RAD54L2: variants seen among roughly 807,000 people sequenced by gnomAD.
RAD54L2 encodes RAD54 like 2, also known as helicase ARIP4.
RAD54L2 carries 27 observed loss-of-function variants against 138.4 expected under a neutral mutation model. That is an observed-to-expected ratio of 0.20 (90% CI 0.14 to 0.27). RAD54L2 has a LOEUF of 0.27. Among genes scored for constraint, RAD54L2 ranks in the 10% least tolerant of loss-of-function variants. The pLI, the probability that RAD54L2 is intolerant of heterozygous loss-of-function variation, is 1.00. For synonymous variants in RAD54L2, 644 were observed against 723.2 expected (o/e 0.89, Z 1.76); for missense variants, 1,396 against 1,890.2 (o/e 0.74, Z 4.85).
intron 21 of RAD54L2, among the ~76,000 whole-genome samples, chr3:51,658,237 T>C (rs1701659730): frequency 1.3e-5 from 2 of 152,132 alleles, no homozygotes; most frequent in Non-Finnish European, 1.5e-5. Context: ...CGGCCCTTAC[T>C]GTCATTTTTA....
At chr3:51,590,346 A>T in intron 2 of RAD54L2, 21 bp from the exon 3 acceptor site, 2 of 1,427,120 alleles carry the variant, frequency 1.4e-6, no homozygotes, top group Non-Finnish European at 1.9e-6. Context: ...GGTGATTCTG[A>T]TGCCTTTCAT....
intron 3 of RAD54L2, among the ~76,000 whole-genome samples, chr3:51,594,066 C>CTTTT (rs904101025): frequency 3.6e-4 from 38 of 105,128 alleles, no homozygotes; most frequent in South Asian, 6.4e-4. Context: ...TTTTCTTTTT[C>CTTTT]TTTTTTTTTT....
At chr3:51,619,247 TG>T (rs1447034948) in intron 3 of RAD54L2, among the ~76,000 whole-genome samples, 1 of 151,984 alleles carries the variant, frequency 6.6e-6, no homozygotes, top group Non-Finnish European at 1.5e-5. Context: ...TTAGTAGAGG[TG>T]GGGTTTCACC....
Position 51,644,015 on chromosome 3 carries a change from A to G in RAD54L2, c.2450+41A>G, listed in dbSNP as rs199986695. On this transcript the variant is annotated intron_variant, in intron 16 of 22. Coordinates refer to ENST00000684192, the MANE Select transcript of RAD54L2 (RefSeq NM_015106.4). ...GAGGGGAGGTCAAAGGAATCTGTTC[A>G]GGCAGTTGGCCACCTGGGCTGGTAC... 4.0e-5 allele frequency: 61 copies of G among 1,507,090 alleles called. No homozygotes were observed. The East Asian group carries it at 1.4e-3, about 34-fold the overall frequency. The allele number at this position is 1,507,090 out of a possible 1,614,324, so 93.4% of individuals were successfully genotyped here. A position where few individuals can be genotyped will look rare whatever the true frequency, so the allele number is the denominator to read the frequency against.
chr3:51,605,175 C>T (rs111522259), intron 3 of RAD54L2, among the ~76,000 whole-genome samples: 7 of 151,116 alleles, frequency 4.6e-5, no homozygotes, highest in East Asian at 3.9e-4. Flanking sequence ...CTGCAGCCTC[C>T]GCCTCCTGGG....
At chr3:51,586,937 C>G (rs191128234) in intron 2 of RAD54L2, among the ~76,000 whole-genome samples, 336 of 152,174 alleles carry the variant, frequency 2.2e-3, no homozygotes, top group African/African-American at 5.9e-3. Context: ...CATTGACTTC[C>G]AAACACAGAG....
In RAD54L2 at chr3:51,633,678, G is replaced by A. The variant is rs983548037; in HGVS notation, c.927G>A (p.Leu309=). Residue 309 remains leucine (L), a synonymous_variant, in exon 8 of 23, where the codon CTG becomes CTA. Coordinates refer to ENST00000684192, the MANE Select transcript of RAD54L2 (RefSeq NM_015106.4). ...FGCILAHSMG[L]GKTLQVISFI... Reference sequence around the variant, plus strand: ...GTATTCTGGCCCACAGCATGGGTCTGGGGAAAACTTTGCAAGTGATCTCTT... The same window carrying A: ...GTATTCTGGCCCACAGCATGGGTCTAGGGAAAACTTTGCAAGTGATCTCTT... 7 of 1,613,850 alleles carry A rather than the reference G, an allele frequency of 4.3e-6. No homozygotes were observed. The African/African-American group carries it at 8.0e-5, about 18-fold the overall frequency.
chr3:51,641,285 G>A lies in RAD54L2; in HGVS notation c.2232-464G>A, dbSNP rs180902076. ...CCTCCCAAGTGCTGGGATTACAGGC[G>A]TGAGCCACTGTTCCCGACCTAGAGT... On this transcript the variant is annotated intron_variant, in intron 14 of 22. Transcript: ENST00000684192. Among the ~76,000 whole-genome samples, 22 of 139,736 alleles carry A rather than the reference G, an allele frequency of 1.6e-4. No homozygotes were observed. The East Asian group carries it at 1.8e-3, about 11-fold the overall frequency. The allele number at this position is 139,736 out of a possible 152,430, so 91.7% of individuals were successfully genotyped here.
intron 3 of RAD54L2, among the ~76,000 whole-genome samples, chr3:51,610,204 A>G (rs1002395474): frequency 1.3e-5 from 2 of 152,170 alleles, no homozygotes; most frequent in Admixed American, 1.3e-4. Context: ...GCACTATAAC[A>G]TAAGACTTTA....
chr3:51,549,068 C>T (rs1263918892), intron 2 of RAD54L2, among the ~76,000 whole-genome samples: 4 of 152,140 alleles, frequency 2.6e-5, no homozygotes, highest in Non-Finnish European at 5.9e-5. Flanking sequence ...TCTTGGCTCA[C>T]TGCAATCTCT....
chr3:51,540,800 C>A (rs1206290814), intron 1 of RAD54L2, among the ~76,000 whole-genome samples: 1 of 151,890 alleles, frequency 6.6e-6, no homozygotes, highest in Non-Finnish European at 1.5e-5. Flanking sequence ...GCCTGTAATC[C>A]CAACACTTTG....
rs749354335 is a variant in RAD54L2, at chr3:51,638,294, C to G, written c.1833C>G (p.Pro611=). 1 of 1,613,938 alleles carries G rather than the reference C, an allele frequency of 6.2e-7. No homozygotes were observed. The highest frequency in any genetic ancestry group is 1.1e-5 in the South Asian group (1 of 91,078). Residue 611 remains proline (P), a synonymous_variant, in exon 12 of 23, where the codon CCC becomes CCG. Coordinates refer to ENST00000684192, the MANE Select transcript of RAD54L2 (RefSeq NM_015106.4). The surrounding 1 kb of genome is among the most constrained non-coding windows in gnomAD (Gnocchi z 4.3). ...GCAGCGGTTGGCTGGGGCTGAACCCCCTTAAGGCATTCTGTGTGTGTTGCA... is the reference window on the plus strand; with the variant it reads ...GCAGCGGTTGGCTGGGGCTGAACCCGCTTAAGGCATTCTGTGTGTGTTGCA... The part of the protein sequence containing the change: ...CGSSGWLGLN[P]LKAFCVCCKI...
chr3:51,607,779 C>T (rs1700225835), intron 3 of RAD54L2, among the ~76,000 whole-genome samples: 1 of 150,528 alleles, frequency 6.6e-6, no homozygotes, highest in East Asian at 2.0e-4. Flanking sequence ...GGGCCCCCCA[C>T]CTCCCAGATG....
rs1406569417 is a variant in RAD54L2 at position 51,666,575 on chromosome 3, AC to A, written c.*3157del. ...CAGTACTACTTAATGATTGAGGTTT[AC>A]CATTTATAGTGATGCTTGATTTCCT... On this transcript the variant is annotated 3_prime_UTR_variant, in exon 23 of 23. Coordinates refer to ENST00000684192, the MANE Select transcript of RAD54L2 (RefSeq NM_015106.4). 2.6e-5 allele frequency: 4 copies of A among 152,210 alleles called. No homozygotes were observed. Among genetic ancestry groups the A allele is most frequent in the African/African-American group, 9.6e-5 (4 of 41,452 alleles). The allele number at this position is 152,210 out of a possible 1,614,324, so 9.4% of individuals were successfully genotyped here.
chr3:51,610,658 CAGAA>C lies in RAD54L2; in HGVS notation c.140-16890_140-16887del, dbSNP rs1248013196. Among the ~76,000 whole-genome samples the C allele has an allele frequency of 7.7e-5, 11 of 143,142 alleles. No individual in the cohort carries two copies. The South Asian group carries it at 2.1e-3, about 27-fold the overall frequency. 93.9% of individuals were successfully genotyped at this position (143,142 alleles called of 152,430 possible). On this transcript the variant is annotated intron_variant, in intron 3 of 22. Coordinates refer to ENST00000684192, the MANE Select transcript of RAD54L2 (RefSeq NM_015106.4). The stretch of plus-strand genomic sequence containing the variant: ...CCATCTCAAAAAAAAAAAAAAAAAA[CAGAA>C]AGAATGAATGAATCTTCTTTAATAA...
intron 1 of RAD54L2, among the ~76,000 whole-genome samples, chr3:51,539,987 G>A (rs1274630964): frequency 6.6e-6 from 1 of 152,140 alleles, no homozygotes; most frequent in Non-Finnish European, 1.5e-5. Flanking sequence ...TGTGGTATTT[G>A]GATCCAAAGC....
At chr3:51,559,444 G>A (rs948419306) in intron 2 of RAD54L2, among the ~76,000 whole-genome samples, 4 of 152,074 alleles carry the variant, frequency 2.6e-5, no homozygotes, top group African/African-American at 7.2e-5. Flanking sequence ...TTGGTAACTC[G>A]GTGCCTCCCC....
Position 51,584,325 on chromosome 3 carries a change from C to T in RAD54L2, c.-54-6042C>T, listed in dbSNP as rs6805581. On this transcript the variant is annotated intron_variant, in intron 2 of 22. Coordinates refer to ENST00000684192, the MANE Select transcript of RAD54L2 (RefSeq NM_015106.4). ...GTTCACCTTTTGTTTCTTATTTTCT[C>T]TTAAGTTTCAAATTGCCAAAATCAT... 2.2e-3 allele frequency among the ~76,000 whole-genome samples: 328 copies of T among 152,176 alleles called. 1 individual carries two copies. The highest frequency in any genetic ancestry group is 7.5e-3 in the African/African-American group (312 of 41,536).
chr3:51,605,779 A>G (rs895105684), intron 3 of RAD54L2, among the ~76,000 whole-genome samples: 5 of 152,168 alleles, frequency 3.3e-5, no homozygotes, highest in African/African-American at 1.2e-4. Flanking sequence ...AGATACGTCT[A>G]GTTTTGAATG....
Sources: allele counts gnomAD v4.1 joint callset (sites outside exome capture counted in the v4.1 genomes callset), GRCh38; gene constraint gnomAD v4.1.1; non-coding constraint Gnocchi (gnomAD v3.1); transcripts MANE v1.5; gene names NCBI Gene and HGNC (gene_info 2026-07-23, HGNC 2026-07-21).